Variants in NALF1 observed in about 807,000 individuals in gnomAD.
NALF1 encodes the protein family with sequence similarity 155 member A.
In NALF1, 3 loss-of-function variants were observed where a neutral mutation model predicts 48.4. The ratio of observed to expected loss-of-function variants is 0.06; its 90% CI spans 0.03 to 0.16. The LOEUF (loss-of-function observed/expected upper bound fraction) is 0.16. Among genes scored for constraint, NALF1 ranks in the 10% least tolerant of loss-of-function variants. NALF1 has a pLI of 1.00. For missense variants in NALF1, 526 were observed against 571.5 expected, an observed-to-expected ratio of 0.92 and a Z score of 0.81; for synonymous variants, 262 against 245.7, an observed-to-expected ratio of 1.07 and a Z score of -0.62.
intron 1 of NALF1, among the ~76,000 whole-genome samples, chr13:107,315,886 GATATAT>G (rs534440329): frequency 1.4e-5 from 2 of 146,974 alleles, no homozygotes; most frequent in Non-Finnish European, 3.0e-5. Flanking sequence ...ATTTTTTATA[GATATAT>G]ATATATATTT....
At chr13:107,500,809 A>G (rs1044201530) in intron 1 of NALF1, among the ~76,000 whole-genome samples, 2 of 152,104 alleles carry the variant, frequency 1.3e-5, no homozygotes, top group Admixed American at 6.6e-5. Flanking sequence ...TTGTAGGGAC[A>G]TGGATGAAAT....
intron 2 of NALF1, among the ~76,000 whole-genome samples, chr13:107,172,886 G>A (rs776364521): frequency 4.0e-5 from 6 of 151,772 alleles, no homozygotes; most frequent in African/African-American, 9.7e-5. Context: ...TACAGTCATC[G>A]CAGAAAAAAA....
chr13:107,715,977 G>A (rs888922597), intron 1 of NALF1, among the ~76,000 whole-genome samples: 26 of 152,136 alleles, frequency 1.7e-4, no homozygotes, highest in African/African-American at 6.0e-4. Context: ...TATGCTTGCT[G>A]TTTTTTCTGA....
At chr13:107,304,824 A>G (rs1881904532) in intron 1 of NALF1, among the ~76,000 whole-genome samples, 1 of 152,210 alleles carries the variant, frequency 6.6e-6, no homozygotes, top group African/African-American at 2.4e-5. Context: ...TGCAAATGTT[A>G]TGTATTATTT....
chr13:107,632,436 T>A (rs776279067), intron 1 of NALF1, among the ~76,000 whole-genome samples: 1 of 152,094 alleles, frequency 6.6e-6, no homozygotes, highest in East Asian at 1.9e-4. Context: ...CCTACTCTCT[T>A]CTGTCTTCCC....
intron 1 of NALF1, among the ~76,000 whole-genome samples, chr13:107,861,267 A>T (rs915232500): frequency 1.3e-5 from 2 of 152,250 alleles, no homozygotes; most frequent in African/African-American, 4.8e-5. Context: ...AAAAATTTTA[A>T]GTAGTCATCT....
At chr13:107,638,530 A>T (rs948244288) in intron 1 of NALF1, among the ~76,000 whole-genome samples, 8 of 152,018 alleles carry the variant, frequency 5.3e-5, no homozygotes, top group Admixed American at 2.6e-4. Context: ...ATAACTTGGG[A>T]TAGGACAGAG....
At chr13:107,572,883 C>T (rs1356156422) in intron 1 of NALF1, among the ~76,000 whole-genome samples, 1 of 152,178 alleles carries the variant, frequency 6.6e-6, no homozygotes, top group Non-Finnish European at 1.5e-5. Context: ...TCACTCTCTT[C>T]TTCAAAACAT....
intron 1 of NALF1, among the ~76,000 whole-genome samples, chr13:107,411,333 C>A (rs1883987682): frequency 7.0e-6 from 1 of 142,946 alleles, no homozygotes; most frequent in Non-Finnish European, 1.5e-5. Context: ...AAGACAGGGT[C>A]TTGCATCTTG....
intron 1 of NALF1, among the ~76,000 whole-genome samples, chr13:107,839,299 T>A (rs1283751648): frequency 6.7e-6 from 1 of 149,950 alleles, no homozygotes; most frequent in African/African-American, 2.5e-5. Context: ...CACTTTATCC[T>A]TCTTCCAGTC....
chr13:107,288,688 C>G (rs1011364338), intron 1 of NALF1, among the ~76,000 whole-genome samples: 1 of 151,290 alleles, frequency 6.6e-6, no homozygotes, highest in African/African-American at 2.4e-5. Context: ...CCTGCCACCA[C>G]GCCCGGCTAA....
intron 1 of NALF1, among the ~76,000 whole-genome samples, chr13:107,533,531 G>C (rs1376129341): frequency 6.6e-6 from 1 of 152,104 alleles, no homozygotes; most frequent in Non-Finnish European, 1.5e-5. Flanking sequence ...CCTGCCTTTT[G>C]AATGGTAAGA....
Position 107,167,628 on chromosome 13 carries a change from T to C in NALF1, c.*2869A>G, listed in dbSNP as rs1878689614. ...CCGCCAGAATTAGAGACTATTCCAA[T>C]GCTGGCTGACTTGATGGGGAGAAAG... On this transcript the variant is annotated 3_prime_UTR_variant, in exon 3 of 3. Coordinates refer to ENST00000375915, the MANE Select transcript of NALF1 (RefSeq NM_001080396.3). The C allele has an allele frequency of 6.6e-6, 1 of 152,208 alleles. No individual in the cohort carries two copies. The highest frequency in any genetic ancestry group is 1.5e-5 in the Non-Finnish European group (1 of 68,046). The allele number at this position is 152,208 out of a possible 1,614,324, so 9.4% of individuals were successfully genotyped here. A position where few individuals can be genotyped will look rare whatever the true frequency, so the allele number is the denominator to read the frequency against.
chr13:107,418,707 C>G (rs1884135449), intron 1 of NALF1, among the ~76,000 whole-genome samples: 1 of 152,222 alleles, frequency 6.6e-6, no homozygotes, highest in Admixed American at 6.5e-5. Flanking sequence ...CTCTCTCACC[C>G]TCCCCACTCT....
intron 1 of NALF1, among the ~76,000 whole-genome samples, chr13:107,478,762 G>A (rs1009387204): frequency 6.6e-6 from 1 of 151,942 alleles, no homozygotes; most frequent in Admixed American, 6.6e-5. Flanking sequence ...GAAAATTAAA[G>A]AAACAGCCTT....
chr13:107,483,976 C>A (rs1470758830), intron 1 of NALF1, among the ~76,000 whole-genome samples: 1 of 151,906 alleles, frequency 6.6e-6, no homozygotes, highest in African/African-American at 2.4e-5. Flanking sequence ...GTATTATTAT[C>A]ATAATTTTCA....
chr13:107,349,538 C>G (rs949956265), intron 1 of NALF1, among the ~76,000 whole-genome samples: 2 of 151,820 alleles, frequency 1.3e-5, no homozygotes, highest in South Asian at 4.2e-4. Context: ...GTCAGGAGAT[C>G]GAGACCATCC....
At chr13:107,578,569 A>T (rs1317996994) in intron 1 of NALF1, among the ~76,000 whole-genome samples, 1 of 152,108 alleles carries the variant, frequency 6.6e-6, no homozygotes, top group African/African-American at 2.4e-5. Flanking sequence ...CTGGCATTTA[A>T]TTCATACTCA....
At chr13:107,273,675 A>G (rs1881220847) in intron 1 of NALF1, among the ~76,000 whole-genome samples, 1 of 152,214 alleles carries the variant, frequency 6.6e-6, no homozygotes, top group African/African-American at 2.4e-5. Context: ...ATATATCAGG[A>G]GAAGAATGAT....
Sources: allele counts gnomAD v4.1 joint callset (sites outside exome capture counted in the v4.1 genomes callset), GRCh38; gene constraint gnomAD v4.1.1; transcripts MANE v1.5; gene names NCBI Gene and HGNC (gene_info 2026-07-23, HGNC 2026-07-21).